THADA: variants seen among roughly 807,000 people sequenced by gnomAD.
The protein encoded by THADA is THADA armadillo repeat containing.
THADA carries 213 observed loss-of-function variants against 219.8 expected under a neutral mutation model. The observed-to-expected ratio is 0.97, with a 90% confidence interval of 0.87 to 1.09. THADA has a LOEUF of 1.09. Ranked by LOEUF, THADA falls within the 50% of genes least tolerant of loss-of-function variation. THADA has a pLI of 0.00. For missense variants in THADA, 2,956 were observed against 2,311.3 expected (o/e 1.28, Z -5.72); for synonymous variants, 1,018 against 828.9 (o/e 1.23, Z -3.92).
At chr2:43,406,507 A>C (rs530781922) in intron 28 of THADA, among the ~76,000 whole-genome samples, 2 of 152,224 alleles carry the variant, frequency 1.3e-5, no homozygotes, top group Admixed American at 6.5e-5. Context: ...TCAGATTCCA[A>C]CCAAATGTTT....
At chr2:43,526,561 T>C (rs147317280) in intron 22 of THADA, among the ~76,000 whole-genome samples, 1 of 152,308 alleles carries the variant, frequency 6.6e-6, no homozygotes, top group East Asian at 1.9e-4. Context: ...GCTATTCCTA[T>C]ATGTTTTATA....
chr2:43,289,056 A>C (rs1184161289), intron 34 of THADA, among the ~76,000 whole-genome samples: 1 of 152,228 alleles, frequency 6.6e-6, no homozygotes, highest in East Asian at 1.9e-4. Flanking sequence ...CTATAAATGG[A>C]ATCAGATAAT....
At chr2:43,583,097 AT>A (rs901519399) in intron 7 of THADA, among the ~76,000 whole-genome samples, 1 of 152,032 alleles carries the variant, frequency 6.6e-6, no homozygotes, top group Non-Finnish European at 1.5e-5. Context: ...TAATTCCCAA[AT>A]TTTTATCTCT....
At chr2:43,339,621 A>G (rs1666855073) in intron 30 of THADA, among the ~76,000 whole-genome samples, 1 of 152,212 alleles carries the variant, frequency 6.6e-6, no homozygotes, top group Non-Finnish European at 1.5e-5. Flanking sequence ...CAAAAGAAAC[A>G]CACATGCAAT....
chr2:43,351,562 G>C (rs1348042112), intron 29 of THADA, among the ~76,000 whole-genome samples: 1 of 152,052 alleles, frequency 6.6e-6, no homozygotes, highest in African/African-American at 2.4e-5. Flanking sequence ...CCTTTAATTT[G>C]ATGATTTTAA....
chr2:43,297,467 G>C (rs1325167247), intron 31 of THADA, among the ~76,000 whole-genome samples: 1 of 87,552 alleles, frequency 1.1e-5, no homozygotes, highest in East Asian at 2.9e-4. Context: ...TCAGCCCCCC[G>C]CCCGGCCAGC....
chr2:43,254,843 C>T (rs943396736), intron 36 of THADA, among the ~76,000 whole-genome samples: 11 of 152,196 alleles, frequency 7.2e-5, no homozygotes, highest in African/African-American at 2.7e-4. Flanking sequence ...TTCATCTCCC[C>T]TCAGGGCTTG....
At chr2:43,394,428 A>G (rs1462599466) in intron 29 of THADA, among the ~76,000 whole-genome samples, 2 of 152,252 alleles carry the variant, frequency 1.3e-5, no homozygotes, top group Non-Finnish European at 2.9e-5. Flanking sequence ...ATAATTCAAG[A>G]AAATGTTCTG....
chr2:43,289,954 C>A (rs1674491926), intron 34 of THADA, among the ~76,000 whole-genome samples: 2 of 147,252 alleles, frequency 1.4e-5, no homozygotes, highest in Admixed American at 7.0e-5. Flanking sequence ...GTGCCCGGCC[C>A]TGGTGTTTTT....
chr2:43,402,556 T>C (rs530129497), intron 28 of THADA, among the ~76,000 whole-genome samples: 2 of 152,298 alleles, frequency 1.3e-5, no homozygotes, highest in African/African-American at 4.8e-5. Context: ...CTGTTCTTTT[T>C]TTCTGAAAGG....
intron 28 of THADA, among the ~76,000 whole-genome samples, chr2:43,403,781 C>A (rs1675171739): frequency 6.6e-6 from 1 of 152,104 alleles, no homozygotes; most frequent in Admixed American, 6.5e-5. Context: ...ATCTTCAGAG[C>A]TGGTATGAGT....
intron 28 of THADA, among the ~76,000 whole-genome samples, chr2:43,427,503 T>TGTGTGTGTG (rs1678605130): frequency 5.0e-5 from 7 of 140,600 alleles, no homozygotes; most frequent in Non-Finnish European, 7.7e-5. Context: ...CTCCCAAAGT[T>TGTGTGTGTG]TGTGTGTGTG....
chr2:43,397,828 G>T, intron 29 of THADA, 143 bp downstream of exon 29: 2 of 723,972 alleles, frequency 2.8e-6, no homozygotes, highest in South Asian at 2.1e-5. Flanking sequence ...GGAGATACCT[G>T]ATCTTTCGGA....
chr2:43,432,367 T>C (rs567228289), intron 26 of THADA, among the ~76,000 whole-genome samples: 6 of 152,314 alleles, frequency 3.9e-5, no homozygotes, highest in South Asian at 2.1e-4. Flanking sequence ...AATATATCAA[T>C]AGTCTGGTTC....
intron 30 of THADA, among the ~76,000 whole-genome samples, chr2:43,335,106 T>C (rs1399642614): frequency 2.0e-5 from 3 of 152,136 alleles, no homozygotes; most frequent in Admixed American, 2.0e-4. Flanking sequence ...CCCTGGGAGC[T>C]GGTCAAAATG....
intron 34 of THADA, among the ~76,000 whole-genome samples, chr2:43,289,399 T>C (rs775293196): frequency 1.2e-4 from 18 of 152,260 alleles, no homozygotes; most frequent in Non-Finnish European, 2.5e-4. Flanking sequence ...ATGAGTATTT[T>C]AGACCTTGAG....
chr2:43,557,479 A>T lies in THADA; in HGVS notation c.2464-924T>A, dbSNP rs1477467301. Among the ~76,000 whole-genome samples the T allele has an allele frequency of 2.6e-5, 4 of 152,298 alleles. No individual in the cohort carries two copies. In the East Asian group the frequency reaches 7.7e-4, roughly 29 times the overall value. On this transcript the variant is annotated intron_variant, in intron 16 of 37. Coordinates refer to ENST00000405975, the MANE Select transcript of THADA (RefSeq NM_022065.5). ...AACTGCAAATCCCCTGGGAGGCTGT[A>T]CCTGGTGAAACTTTGTGTGTGTGGA... is the stretch of plus-strand genomic sequence containing the variant.
At chr2:43,415,802 T>C (rs529716036) in intron 28 of THADA, among the ~76,000 whole-genome samples, 43 of 152,224 alleles carry the variant, frequency 2.8e-4, no homozygotes, top group African/African-American at 1.0e-3. Context: ...TGGCTAGCTT[T>C]CAACGGGGAA....
chr2:43,477,270 AAG>A (rs1007634437), intron 26 of THADA, among the ~76,000 whole-genome samples: 1 of 152,022 alleles, frequency 6.6e-6, no homozygotes, highest in African/African-American at 2.4e-5. Flanking sequence ...GAGAGAAGGG[AAG>A]AGAGAGAATC....
Sources: gnomAD v4.1 joint callset for allele counts (sites outside exome capture counted in the v4.1 genomes callset) on GRCh38, gnomAD v4.1.1 for gene constraint, MANE v1.5 for transcripts, NCBI Gene and HGNC (gene_info 2026-07-23, HGNC 2026-07-21) for gene names.